Variants in CGNL1 observed in about 807,000 individuals in gnomAD.
CGNL1 encodes cingulin like 1.
Under a neutral mutation model 141.2 loss-of-function variants are expected in CGNL1, and 132 were observed. The ratio of observed to expected loss-of-function variants is 0.93; its 90% CI spans 0.81 to 1.08. The LOEUF (loss-of-function observed/expected upper bound fraction) is 1.08. Among genes scored for constraint, CGNL1 ranks in the 50% least tolerant of loss-of-function variants. The probability of loss-of-function intolerance (pLI) is 0.00; values close to 1 mark genes in which losing one functional copy is unlikely to be tolerated. For synonymous variants in CGNL1, 690 were observed against 622.1 expected (o/e 1.11, Z -1.63); for missense variants, 1,870 against 1,588.6 (o/e 1.18, Z -3.01).
In CGNL1 at chr15:57,431,941, T is replaced by G. The variant is rs528633141; in HGVS notation, c.-15-6044T>G. Among the ~76,000 whole-genome samples, 8 of 152,238 alleles carry G rather than the reference T, an allele frequency of 5.3e-5. No homozygotes were observed. The South Asian group carries it at 1.7e-3, about 32-fold the overall frequency. On this transcript the variant is annotated intron_variant, in intron 1 of 18. Transcript: ENST00000281282. ...AGGATCCCACTCAGGGGAAATTACT[T>G]TTTGGTTGGTGGGTCAATTCTTATT...
At chr15:57,474,305 G>A (rs757773409) in intron 8 of CGNL1, among the ~76,000 whole-genome samples, 3 of 152,058 alleles carry the variant, frequency 2.0e-5, no homozygotes, top group Non-Finnish European at 2.9e-5. Flanking sequence ...TGTTATGCGG[G>A]AATAAACAAC....
chr15:57,431,178 C>G (rs539214170), intron 1 of CGNL1, among the ~76,000 whole-genome samples: 2 of 152,050 alleles, frequency 1.3e-5, no homozygotes, highest in East Asian at 3.9e-4. Context: ...TTATTTTTTC[C>G]CCCCAAATAG....
chr15:57,538,492 A>G (rs1182429195), intron 14 of CGNL1, among the ~76,000 whole-genome samples: 1 of 152,092 alleles, frequency 6.6e-6, no homozygotes, highest in Non-Finnish European at 1.5e-5. Context: ...TTGGAGAGTC[A>G]CCATTATCCT....
chr15:57,531,632 T>G, intron 13 of CGNL1, 58 bp from the exon 14 acceptor site: 1 of 1,096,592 alleles, frequency 9.1e-7, no homozygotes, highest in East Asian at 2.4e-5. Context: ...GGGGAGCCTT[T>G]GCTGTTAATC....
At chr15:57,381,611 T>C (rs2062425737) in intron 1 of CGNL1, among the ~76,000 whole-genome samples, 1 of 152,128 alleles carries the variant, frequency 6.6e-6, no homozygotes, top group Non-Finnish European at 1.5e-5. Flanking sequence ...GAGAGTACTC[T>C]GGTCTGTCTG....
At chr15:57,495,257 C>T (rs1364877428) in intron 8 of CGNL1, among the ~76,000 whole-genome samples, 1 of 152,048 alleles carries the variant, frequency 6.6e-6, no homozygotes, top group Admixed American at 6.6e-5. Context: ...ATCCTTTTTG[C>T]TTTCTCAGTC....
rs183509476 is a variant in CGNL1, at chr15:57,509,344, G to A, written c.2404-7436G>A. On this transcript the variant is annotated intron_variant, in intron 8 of 18. Transcript: ENST00000281282. ...TTTCACTCATTCAGCAAAAAAGAGA[G>A]ACAGAAAGGAAACAAAAGCCGGCTG... is the stretch of plus-strand genomic sequence containing the variant. 2.9e-3 allele frequency among the ~76,000 whole-genome samples: 440 copies of A among 152,338 alleles called. 2 individuals are homozygous for A. The highest frequency in any genetic ancestry group is 9.9e-3 in the African/African-American group (413 of 41,576).
chr15:57,536,972 G>C (rs930146475), intron 14 of CGNL1, among the ~76,000 whole-genome samples: 1 of 152,228 alleles, frequency 6.6e-6, no homozygotes, highest in Non-Finnish European at 1.5e-5. Context: ...GAGGAGTTAA[G>C]TTCAGCTGAT....
intron 8 of CGNL1, among the ~76,000 whole-genome samples, chr15:57,480,903 CTTTG>C (rs1168304970): frequency 6.6e-6 from 1 of 152,090 alleles, no homozygotes; most frequent in African/African-American, 2.4e-5. Flanking sequence ...TTGAAACCAA[CTTTG>C]TTTGATATGT....
intron 1 of CGNL1, among the ~76,000 whole-genome samples, chr15:57,425,802 A>G (rs1291640192): frequency 1.3e-5 from 2 of 151,924 alleles, no homozygotes; most frequent in African/African-American, 4.8e-5. Flanking sequence ...ACAAACCCTA[A>G]AAGGTTAAAA....
intron 1 of CGNL1, among the ~76,000 whole-genome samples, chr15:57,379,270 A>C (rs1275369079): frequency 6.6e-6 from 1 of 152,208 alleles, no homozygotes; most frequent in East Asian, 1.9e-4. Flanking sequence ...AGTTTATGTA[A>C]ATGTGGGCCT....
chr15:57,468,243 T>TTC (rs2063535046), intron 8 of CGNL1, among the ~76,000 whole-genome samples: 5 of 122,234 alleles, frequency 4.1e-5, no homozygotes, highest in South Asian at 5.3e-4. Flanking sequence ...TCTTTTTTTT[T>TTC]TTTTTTTTTT....
intron 1 of CGNL1, among the ~76,000 whole-genome samples, chr15:57,386,744 C>G (rs1360886136): frequency 6.6e-6 from 1 of 152,138 alleles, no homozygotes; most frequent in Non-Finnish European, 1.5e-5. Context: ...GAGGCTTCAG[C>G]GACTGGTCCT....
At chr15:57,484,144 C>G (rs566956005) in intron 8 of CGNL1, among the ~76,000 whole-genome samples, 2 of 152,186 alleles carry the variant, frequency 1.3e-5, no homozygotes, top group East Asian at 3.9e-4. Context: ...GGATTTCTTC[C>G]TCTTCTATTT....
In CGNL1 at chr15:57,547,472, C is replaced by G; in HGVS notation, c.3891C>G (p.Thr1297=). The G allele has an allele frequency of 6.2e-7, 1 of 1,613,998 alleles. No homozygotes were observed. Among genetic ancestry groups the G allele is most frequent in the Middle Eastern group, 1.7e-4 (1 of 6,058 alleles). Residue 1297 remains threonine (T), a synonymous_variant, in exon 19 of 19, where the codon ACC becomes ACG. Transcript: ENST00000281282. The part of the protein sequence containing the change: ...PVSYTFSKDS[T]VASQI ...GCTACACATTCTCCAAGGACAGCACCGTCGCCAGCCAGATCTGAGTGCTCT... is the reference window on the plus strand; with the variant it reads ...GCTACACATTCTCCAAGGACAGCACGGTCGCCAGCCAGATCTGAGTGCTCT...
At position 57,528,759 on chromosome 15, in the gene CGNL1, C is replaced by T. The variant is rs2031775383; in HGVS notation, c.3145C>T (p.Leu1049=). The T allele has an allele frequency of 6.2e-7, 1 of 1,614,010 alleles. No individual in the cohort carries two copies. The highest frequency in any genetic ancestry group is 1.3e-5 in the African/African-American group (1 of 74,908). ...GACGCTGAAGGACCTGGAGTATGAG[C>T]TGGAAGCCAAGAGTCACCTCAAAGA... ...EQTLKDLEYE[L]EAKSHLKDDR... Residue 1049 remains leucine (L), a synonymous_variant, in exon 13 of 19, where the codon CTG becomes TTG. Coordinates refer to ENST00000281282, the MANE Select transcript of CGNL1 (RefSeq NM_032866.5).
intron 1 of CGNL1, among the ~76,000 whole-genome samples, chr15:57,383,041 T>A (rs959880408): frequency 6.6e-6 from 1 of 152,234 alleles, no homozygotes; most frequent in African/African-American, 2.4e-5. Context: ...GTGTGGTTTT[T>A]ATCTTCCTTT....
chr15:57,376,733 T>C (rs1457135923), intron 1 of CGNL1, among the ~76,000 whole-genome samples, 166 bp downstream of exon 1: 4 of 148,982 alleles, frequency 2.7e-5, no homozygotes, highest in Non-Finnish European at 4.5e-5. Context: ...GCGCGTGTCC[T>C]GGGGCTCGAA....
At chr15:57,384,729 C>T (rs574204474) in intron 1 of CGNL1, among the ~76,000 whole-genome samples, 9 of 152,228 alleles carry the variant, frequency 5.9e-5, no homozygotes, top group South Asian at 4.1e-4. Flanking sequence ...TTTAAAGAGA[C>T]GAGACCTCTT....
Sources: allele counts gnomAD v4.1 joint callset (sites outside exome capture counted in the v4.1 genomes callset), GRCh38; gene constraint gnomAD v4.1.1; transcripts MANE v1.5; gene names NCBI Gene and HGNC (gene_info 2026-07-23, HGNC 2026-07-21).